FHIP1B: variants seen among roughly 807,000 people sequenced by gnomAD.
FHIP1B encodes FHF complex subunit HOOK interacting protein 1B.
FHIP1B carries 28 observed loss-of-function variants against 82.2 expected under a neutral mutation model. The ratio of observed to expected loss-of-function variants is 0.34; its 90% CI spans 0.25 to 0.47. The LOEUF is 0.47. Among genes scored for constraint, FHIP1B ranks in the 20% least tolerant of loss-of-function variants. The pLI is 1.00. For synonymous variants in FHIP1B, 585 were observed against 516.1 expected, an observed-to-expected ratio of 1.13 and a Z score of -1.81; for missense variants, 1,110 against 1,262.6, an observed-to-expected ratio of 0.88 and a Z score of 1.83.
At chr11:6,216,818 C>A (rs994023170) in intron 9 of FHIP1B, 27 of 550,950 alleles carry the variant, frequency 4.9e-5, no homozygotes, top group South Asian at 4.8e-4. Context: ...GGAAAGCGAA[C>A]AGGAAAAACT....
chr11:6,219,055 G>A lies in FHIP1B; in HGVS notation c.1192-5C>T, dbSNP rs773850615. 8 of 1,608,864 alleles carry A rather than the reference G, an allele frequency of 5.0e-6. No homozygotes were observed. Among genetic ancestry groups the A allele is most frequent in the East Asian group, 2.2e-5 (1 of 44,722 alleles). On this transcript the variant is annotated splice_region_variant and splice_polypyrimidine_tract_variant and intron_variant, in intron 6 of 11. Transcript: ENST00000449352. ...ACTCAGAGAGACCATGCAGAGCTGGGGGGGTGGAGGGGAGGGAGGGAGTCA... is the reference window on the plus strand; with the variant it reads ...ACTCAGAGAGACCATGCAGAGCTGGAGGGGTGGAGGGGAGGGAGGGAGTCA...
intron 6 of FHIP1B, among the ~76,000 whole-genome samples, chr11:6,220,341 G>C (rs1240896113): frequency 6.6e-6 from 1 of 152,068 alleles, no homozygotes; most frequent in Non-Finnish European, 1.5e-5. Context: ...CTGTCCTACG[G>C]CCTCCTGAAA....
intron 1 of FHIP1B, among the ~76,000 whole-genome samples, chr11:6,232,336 C>G (rs898901591): frequency 6.6e-6 from 1 of 152,314 alleles, no homozygotes; most frequent in Admixed American, 6.5e-5. Context: ...AAGATGTGAT[C>G]CAGGTATTAT....
At chr11:6,219,437 C>T (rs1847345580) in intron 6 of FHIP1B, among the ~76,000 whole-genome samples, 1 of 152,160 alleles carries the variant, frequency 6.6e-6, no homozygotes, top group Non-Finnish European at 1.5e-5. Flanking sequence ...TAAGTGAATG[C>T]CTGCCAGAAG....
chr11:6,230,882 A>G (rs1847679808), intron 1 of FHIP1B, among the ~76,000 whole-genome samples: 1 of 152,246 alleles, frequency 6.6e-6, no homozygotes, highest in African/African-American at 2.4e-5. Flanking sequence ...GGAACTGTGA[A>G]CAATTTATTC....
chr11:6,214,812 C>T lies in FHIP1B; in HGVS notation c.2315G>A (p.Cys772Tyr). ...LLTGLVAQLACHPQPLLRSFL... is the reference protein window; with the variant it reads ...LLTGLVAQLAYHPQPLLRSFL... Reference sequence around the variant, plus strand: ...AGAGCGGAGCAGGGGCTGGGGGTGACAGGCCAGCTGGGCCACCAGCCCCGT... The same window carrying T: ...AGAGCGGAGCAGGGGCTGGGGGTGATAGGCCAGCTGGGCCACCAGCCCCGT... The change falls in exon 10 of 12, where the codon TGT (cysteine) becomes TAT (tyrosine). Residue 772 changes from cysteine (C) to tyrosine (Y), a missense_variant. Physicochemically the swap from Cys to Tyr is radical, Grantham distance 194. Transcript: ENST00000449352. 5.0e-6 allele frequency: 8 copies of T among 1,611,766 alleles called. No homozygotes were observed. The highest frequency in any genetic ancestry group is 6.8e-6 in the Non-Finnish European group (8 of 1,178,972).
rs1171284615 is a variant in FHIP1B, at chr11:6,223,304, G to A, written c.778-66C>T. 1 of 1,497,048 alleles carries A rather than the reference G, an allele frequency of 6.7e-7. No individual in the cohort carries two copies. The highest frequency in any genetic ancestry group is 9.0e-7 in the Non-Finnish European group (1 of 1,110,648). 92.7% of individuals were successfully genotyped at this position (1,497,048 alleles called of 1,614,324 possible). On this transcript the variant is annotated intron_variant, in intron 3 of 11. Transcript: ENST00000449352. This position sits in a 1 kb window ranked among gnomAD's most constrained non-coding sequence, Gnocchi z 4.8. ...ATAAAATATAAAAACTGGAACAGGG[G>A]AGCTAGTAATCCAGAGTTTTGATGG...
chr11:6,218,938 T>A (rs1847329198), intron 7 of FHIP1B, 33 bp downstream of exon 7: 2 of 1,608,380 alleles, frequency 1.2e-6, no homozygotes, highest in Admixed American at 1.7e-5. Context: ...GGCTTCAGGG[T>A]CAGCCATCCC....
At position 6,224,202 on chromosome 11, in the gene FHIP1B, C is replaced by G. The variant is rs1391514164; in HGVS notation, c.185G>C (p.Gly62Ala). ...GCGCACAGCACTGAGATCGTCTGCA[C>G]CCCCAGGAGCTGCCCGAGGGCCTTG... ...ERQGPRAAPG[G>A]ADDLSAVRNH... The change falls in exon 3 of 12, where the codon GGT becomes GCT. Residue 62 changes from glycine to alanine, a missense_variant. Physicochemically the swap from Gly to Ala is moderately conservative, Grantham distance 60 (BLOSUM62 0). This residue lies in a region of FHIP1B where 467 missense variants were observed against 602.9 expected (regional missense o/e 0.77). Coordinates refer to ENST00000449352, the MANE Select transcript of FHIP1B (RefSeq NM_001098794.2). The G allele has an allele frequency of 6.2e-7, 1 of 1,611,604 alleles. No individual in the cohort carries two copies. Among genetic ancestry groups the G allele is most frequent in the Admixed American group, 1.7e-5 (1 of 59,798 alleles).
At position 6,223,715 on chromosome 11, in the gene FHIP1B, G is replaced by A. The variant is rs745404251; in HGVS notation, c.672C>T (p.Gly224=). ...CATCACGGGCCTGCTGGCCCAGGGT[G>A]CCCTCTCGATGCACAAAAGGGACAA... ...SRLVPFVHRE[G]TLGQQARDAL... The change falls in exon 3 of 12, where the codon GGC becomes GGT. Residue 224 remains glycine, a synonymous_variant. Transcript: ENST00000449352. This position sits in a 1 kb window ranked among gnomAD's most constrained non-coding sequence, Gnocchi z 4.8. 1.2e-5 allele frequency: 20 copies of A among 1,614,234 alleles called. No individual in the cohort carries two copies. Among genetic ancestry groups the A allele is most frequent in the Non-Finnish European group, 1.7e-5 (20 of 1,180,030 alleles).
chr11:6,222,233 T>C (rs1369080169), intron 6 of FHIP1B, among the ~76,000 whole-genome samples: 3 of 152,342 alleles, frequency 2.0e-5, no homozygotes, highest in Middle Eastern at 3.4e-3. Flanking sequence ...GACTGTGTTC[T>C]AGATTCATCT....
rs750960496 is a variant in FHIP1B, at chr11:6,222,908, G to C, written c.937-11C>G. Reference sequence around the variant, plus strand: ...CAGGGGGTGAGCCACCTGTAGGAGTGCCAGAGAGAAGGGGGAGGGTTATGA... The same window carrying C: ...CAGGGGGTGAGCCACCTGTAGGAGTCCCAGAGAGAAGGGGGAGGGTTATGA... On this transcript the variant is annotated splice_polypyrimidine_tract_variant and intron_variant, in intron 4 of 11. Transcript: ENST00000449352. The C allele has an allele frequency of 6.2e-7, 1 of 1,613,354 alleles. No homozygotes were observed. The highest frequency in any genetic ancestry group is 2.2e-5 in the East Asian group (1 of 44,868).
chr11:6,218,282 C>G, intron 8 of FHIP1B, 132 bp from the exon 9 acceptor site: 2 of 1,294,730 alleles, frequency 1.5e-6, no homozygotes, highest in Non-Finnish European at 2.1e-6. Context: ...AGCTAACTCT[C>G]CAACCTCCTA....
intron 8 of FHIP1B, 123 bp downstream of exon 8, chr11:6,218,477 G>T: frequency 1.4e-6 from 2 of 1,456,168 alleles, no homozygotes; most frequent in South Asian, 1.3e-5. Context: ...CCTCCCCAAA[G>T]ACAGACTATC....
chr11:6,223,025 A>G lies in FHIP1B; in HGVS notation c.936+55T>C. 6.4e-7 allele frequency: 1 copy of G among 1,572,536 alleles called. No individual in the cohort carries two copies. Among genetic ancestry groups the G allele is most frequent in the Non-Finnish European group, 8.6e-7 (1 of 1,157,040 alleles). ...AAAATGACAGAACTCCAGGGAATATACCCCCTCCTACCTAATCTCCCAAAA... is the reference window on the plus strand; with the variant it reads ...AAAATGACAGAACTCCAGGGAATATGCCCCCTCCTACCTAATCTCCCAAAA... On this transcript the variant is annotated intron_variant, in intron 4 of 11. Coordinates refer to ENST00000449352, the MANE Select transcript of FHIP1B (RefSeq NM_001098794.2). The surrounding 1 kb of genome is among the most constrained non-coding windows in gnomAD (Gnocchi z 4.8).
At chr11:6,217,307 GCA>G in intron 9 of FHIP1B, 62 bp downstream of exon 9, 1 of 1,482,310 alleles carries the variant, frequency 6.7e-7, no homozygotes, top group Non-Finnish European at 9.4e-7. Flanking sequence ...CAAGAAACCA[GCA>G]CAAACATGTC....
chr11:6,217,826 G>C lies in FHIP1B; in HGVS notation c.1760C>G (p.Pro587Arg). The C allele has an allele frequency of 6.2e-7, 1 of 1,613,094 alleles. No individual in the cohort carries two copies. The highest frequency in any genetic ancestry group is 8.5e-7 in the Non-Finnish European group (1 of 1,179,686). ...DGERPSPEPS[P>R]FGSRTKKRSL... The stretch of plus-strand genomic sequence containing the variant: ...GCGTTTCTTAGTCCGGGAGCCAAAA[G>C]GACTGGGCTCAGGAGAGGGCCGCTC... The change falls in exon 9 of 12, where the codon CCT becomes CGT. Residue 587 changes from proline to arginine, a missense_variant. Transcript: ENST00000449352.
chr11:6,211,793 C>T lies in FHIP1B; in HGVS notation c.2632G>A (p.Ala878Thr), dbSNP rs769715491. ...AHSPTRARQA[A>T]QLVLQPGRDG... ...CGCCCAGGCTGAAGGACCAATTGTG[C>T]CGCCTGCCGGGCCCTGGTTGGACTG... Residue 878 changes from alanine (A) to threonine (T), a missense_variant, in exon 12 of 12, where the codon GCA becomes ACA. This residue lies in a region of FHIP1B where 147 missense variants were observed against 154.0 expected (regional missense o/e 0.95). Coordinates refer to ENST00000449352, the MANE Select transcript of FHIP1B (RefSeq NM_001098794.2). The T allele has an allele frequency of 1.9e-6, 3 of 1,613,284 alleles. No homozygotes were observed. Among genetic ancestry groups the T allele is most frequent in the Non-Finnish European group, 2.5e-6 (3 of 1,179,628 alleles).
At chr11:6,228,841 T>A (rs935348801) in intron 1 of FHIP1B, among the ~76,000 whole-genome samples, 5 of 152,202 alleles carry the variant, frequency 3.3e-5, no homozygotes, top group African/African-American at 1.2e-4. Flanking sequence ...GACAAGTACT[T>A]ATCCACCCAG....
Sources: allele counts gnomAD v4.1 joint callset (sites outside exome capture counted in the v4.1 genomes callset), GRCh38; gene constraint gnomAD v4.1.1; regional missense constraint gnomAD v4.1.1; non-coding constraint Gnocchi (gnomAD v3.1); transcripts MANE v1.5; gene names NCBI Gene and HGNC (gene_info 2026-07-23, HGNC 2026-07-21).